The following ENTREP1 variants were observed in gnomAD, a reference collection of about 807,000 sequenced individuals.
ENTREP1 encodes Friedreich ataxia region gene X123.
chr9:69,375,387 G>A, the ENTREP1 span, among the ~76,000 whole-genome samples: 1 of 152,194 alleles, frequency 6.6e-6, no homozygotes, highest in African/African-American at 2.4e-5. Flanking sequence ...GTTCCTTTTG[G>A]GGAAGAGTGG....
the ENTREP1 span, among the ~76,000 whole-genome samples, chr9:69,352,954 A>G: frequency 6.6e-6 from 1 of 152,122 alleles, no homozygotes; most frequent in Non-Finnish European, 1.5e-5. Flanking sequence ...TGGACAAAAG[A>G]GCTAGACCCC....
the ENTREP1 span, among the ~76,000 whole-genome samples, chr9:69,369,941 G>A: frequency 6.6e-6 from 1 of 151,966 alleles, no homozygotes; most frequent in East Asian, 1.9e-4. Flanking sequence ...TGTATATTCT[G>A]GACACAAGTT....
the ENTREP1 span, among the ~76,000 whole-genome samples, chr9:69,346,664 T>G: frequency 6.6e-6 from 1 of 152,230 alleles, no homozygotes; most frequent in Middle Eastern, 3.2e-3. Flanking sequence ...AAATTGTTTC[T>G]CAGACAATGA....
chr9:69,332,245 A>C, the ENTREP1 span, among the ~76,000 whole-genome samples: 2 of 152,236 alleles, frequency 1.3e-5, no homozygotes, highest in Non-Finnish European at 1.5e-5. Flanking sequence ...GTTGAATAAA[A>C]GTAGGTGTGT....
chr9:69,340,475 T>G, the ENTREP1 span, among the ~76,000 whole-genome samples: 92 of 152,318 alleles, frequency 6.0e-4, no homozygotes, highest in East Asian at 0.014. Context: ...TACTGGGTCA[T>G]GTTTCTTATA....
chr9:69,375,994 G>C, the ENTREP1 span: 1 of 872,754 alleles, frequency 1.1e-6, no homozygotes, highest in Non-Finnish European at 1.7e-6. Flanking sequence ...GCATGTGAGT[G>C]ACCCCAGAGA....
At chr9:69,344,384 G>T in the ENTREP1 span, among the ~76,000 whole-genome samples, 3 of 152,224 alleles carry the variant, frequency 2.0e-5, no homozygotes, top group Non-Finnish European at 4.4e-5. Context: ...CCCCTCTGTG[G>T]AGTGAAATGG....
the ENTREP1 span, among the ~76,000 whole-genome samples, chr9:69,345,237 C>T: frequency 2.6e-5 from 4 of 151,980 alleles, no homozygotes; most frequent in South Asian, 2.1e-4. Context: ...AATGTCTCAA[C>T]GGTGATACCA....
the ENTREP1 span, chr9:69,336,205 C>G: frequency 1.3e-6 from 2 of 1,496,208 alleles, no homozygotes; most frequent in African/African-American, 2.8e-5. Flanking sequence ...GATAGTTTAT[C>G]CTTACAGGTG....
At chr9:69,345,578 G>A in the ENTREP1 span, among the ~76,000 whole-genome samples, 2 of 152,074 alleles carry the variant, frequency 1.3e-5, no homozygotes, top group East Asian at 3.8e-4. Context: ...AAAAATGGGA[G>A]CTCATTAGCC....
chr9:69,334,948 T>C, the ENTREP1 span, among the ~76,000 whole-genome samples: 3 of 152,006 alleles, frequency 2.0e-5, no homozygotes, highest in Non-Finnish European at 4.4e-5. Context: ...TTAGTGGAGA[T>C]GGGGTTTCAC....
chr9:69,340,288 AG>A, the ENTREP1 span, among the ~76,000 whole-genome samples: 1 of 152,170 alleles, frequency 6.6e-6, no homozygotes, highest in African/African-American at 2.4e-5. Context: ...TGTTCACATG[AG>A]TCTAGAACAC....
the ENTREP1 span, among the ~76,000 whole-genome samples, chr9:69,370,120 G>A: frequency 1.3e-5 from 2 of 151,864 alleles, no homozygotes; most frequent in Non-Finnish European, 2.9e-5. Flanking sequence ...AGTTGATAAT[G>A]TTAATTTTTA....
At chr9:69,351,770 A>G in the ENTREP1 span, among the ~76,000 whole-genome samples, 17 of 152,272 alleles carry the variant, frequency 1.1e-4, no homozygotes, top group African/African-American at 3.9e-4. Flanking sequence ...TAGAACATCT[A>G]CAAATCAGAT....
the ENTREP1 span, among the ~76,000 whole-genome samples, chr9:69,379,266 C>A: frequency 6.6e-6 from 1 of 152,202 alleles, no homozygotes; most frequent in South Asian, 2.1e-4. Context: ...GGCTGCCACC[C>A]AGACACTGTT....
the ENTREP1 span, chr9:69,388,376 A>G: frequency 7.5e-5 from 121 of 1,614,158 alleles, 1 homozygote; most frequent in Admixed American, 1.1e-3. Context: ...ACTTGTAGAA[A>G]ACATTAAATC....
the ENTREP1 span, among the ~76,000 whole-genome samples, chr9:69,355,829 C>T: frequency 3.9e-5 from 6 of 152,238 alleles, no homozygotes; most frequent in East Asian, 9.6e-4. Flanking sequence ...GTGACGAGAG[C>T]GTGAACATGC....
At chr9:69,353,285 C>T in the ENTREP1 span, among the ~76,000 whole-genome samples, 2 of 152,298 alleles carry the variant, frequency 1.3e-5, no homozygotes, top group East Asian at 3.9e-4. Flanking sequence ...CTTTGAAAGT[C>T]TCTTCAATCT....
At chr9:69,384,011 C>T in the ENTREP1 span, 338 of 1,609,338 alleles carry the variant, frequency 2.1e-4, no homozygotes, top group African/African-American at 3.7e-3. Context: ...CTGGGCTGCA[C>T]ACAAGTGACT....
Sources: allele counts gnomAD v4.1 joint callset (sites outside exome capture counted in the v4.1 genomes callset), GRCh38; gene constraint gnomAD v4.1.1; transcripts MANE v1.5; gene names NCBI Gene and HGNC (gene_info 2026-07-23, HGNC 2026-07-21).